RBMS1: variants seen among roughly 807,000 people sequenced by gnomAD.
RBMS1 encodes RNA-binding motif, single-stranded-interacting protein 1.
In RBMS1, 17 loss-of-function variants were observed where a neutral mutation model predicts 62.3. That is an observed-to-expected ratio of 0.27 (90% CI 0.19 to 0.41). The LOEUF is 0.41. Among genes scored for constraint, RBMS1 ranks in the 10% least tolerant of loss-of-function variants. The pLI is 1.00. For synonymous variants in RBMS1, 172 were observed against 170.0 expected, an observed-to-expected ratio of 1.01 and a Z score of -0.09; for missense variants, 334 against 504.5, an observed-to-expected ratio of 0.66 and a Z score of 3.24.
intron 2 of RBMS1, among the ~76,000 whole-genome samples, chr2:160,334,615 A>G (rs2105987405): frequency 6.6e-6 from 1 of 152,284 alleles, no homozygotes; most frequent in South Asian, 2.1e-4. Context: ...TCCAGTGACT[A>G]TGTGTGTTAA....
intron 2 of RBMS1, among the ~76,000 whole-genome samples, chr2:160,340,877 C>T (rs912944823): frequency 6.6e-6 from 1 of 152,116 alleles, no homozygotes; most frequent in Non-Finnish European, 1.5e-5. Context: ...ATGATCAATA[C>T]CTTTAAGCCA....
chr2:160,429,475 C>T (rs1255894612), intron 1 of RBMS1, among the ~76,000 whole-genome samples: 1 of 152,106 alleles, frequency 6.6e-6, no homozygotes, highest in African/African-American at 2.4e-5. Flanking sequence ...TCAGTAAACA[C>T]GTAAAGTGCA....
chr2:160,350,816 G>C (rs1344899208), intron 2 of RBMS1, among the ~76,000 whole-genome samples: 2 of 152,106 alleles, frequency 1.3e-5, no homozygotes, highest in South Asian at 2.1e-4. Context: ...ATAAACAAAC[G>C]TGTGCATGTG....
intron 2 of RBMS1, among the ~76,000 whole-genome samples, chr2:160,340,368 T>C (rs1020120805): frequency 3.9e-5 from 6 of 152,236 alleles, no homozygotes; most frequent in African/African-American, 1.4e-4. Context: ...TGGAAGACTT[T>C]AGAAGGAAGA....
chr2:160,301,478 TAACA>T (rs1159709346), intron 5 of RBMS1, among the ~76,000 whole-genome samples: 3 of 152,228 alleles, frequency 2.0e-5, no homozygotes, highest in Non-Finnish European at 2.9e-5. Flanking sequence ...ATCTTAGTTT[TAACA>T]AACAGTGATA....
At chr2:160,417,878 C>T (rs1486173683) in intron 1 of RBMS1, among the ~76,000 whole-genome samples, 1 of 152,142 alleles carries the variant, frequency 6.6e-6, no homozygotes, top group Non-Finnish European at 1.5e-5. Context: ...CTCATATGCT[C>T]AGTTTTTCCA....
At chr2:160,408,936 T>C (rs941269405) in intron 1 of RBMS1, among the ~76,000 whole-genome samples, 1 of 152,218 alleles carries the variant, frequency 6.6e-6, no homozygotes, top group African/African-American at 2.4e-5. Context: ...TACAGAGTTC[T>C]TCCTTGGTTT....
At chr2:160,340,244 A>C (rs1299237363) in intron 2 of RBMS1, among the ~76,000 whole-genome samples, 1 of 152,074 alleles carries the variant, frequency 6.6e-6, no homozygotes, top group Admixed American at 6.5e-5. Context: ...TAAAATACCT[A>C]AAGTAGCCAG....
At chr2:160,383,846 C>A (rs1359721642) in intron 1 of RBMS1, among the ~76,000 whole-genome samples, 2 of 152,190 alleles carry the variant, frequency 1.3e-5, no homozygotes, top group Admixed American at 1.3e-4. Context: ...CTTGTCCAGT[C>A]TCATATCCAA....
intron 1 of RBMS1, among the ~76,000 whole-genome samples, chr2:160,458,566 G>A (rs367574030): frequency 6.6e-6 from 1 of 152,186 alleles, no homozygotes; most frequent in East Asian, 1.9e-4. Context: ...GGAGGCCAAG[G>A]CGGGTGGATC....
chr2:160,383,857 A>G (rs1694423589), intron 1 of RBMS1, among the ~76,000 whole-genome samples: 1 of 152,218 alleles, frequency 6.6e-6, no homozygotes, highest in South Asian at 2.1e-4. Flanking sequence ...TCATATCCAA[A>G]GTAGGAATTT....
intron 1 of RBMS1, among the ~76,000 whole-genome samples, chr2:160,457,379 C>T (rs1434708173): frequency 6.6e-6 from 1 of 152,176 alleles, no homozygotes; most frequent in Admixed American, 6.5e-5. Context: ...ATCTGCCTGC[C>T]TCAGCCTCCC....
intron 6 of RBMS1, among the ~76,000 whole-genome samples, chr2:160,297,412 G>A (rs1255386252): frequency 6.6e-6 from 1 of 152,180 alleles, no homozygotes; most frequent in Non-Finnish European, 1.5e-5. Flanking sequence ...CATGGTATTG[G>A]CCTGGTGTTA....
chr2:160,489,645 A>T (rs1001781287), intron 1 of RBMS1, among the ~76,000 whole-genome samples: 1 of 152,156 alleles, frequency 6.6e-6, no homozygotes, highest in African/African-American at 2.4e-5. Context: ...CTAGGTTCAG[A>T]TATATTCTGT....
At chr2:160,431,403 C>T (rs372403861) in intron 1 of RBMS1, among the ~76,000 whole-genome samples, 16 of 151,780 alleles carry the variant, frequency 1.1e-4, no homozygotes, top group African/African-American at 2.9e-4. Context: ...GCTACTTCCT[C>T]GTTTCCCACA....
chr2:160,444,463 T>C (rs62179061), intron 1 of RBMS1, among the ~76,000 whole-genome samples: 4,018 of 152,366 alleles, frequency 0.026, 75 homozygotes, highest in Middle Eastern at 0.061. Flanking sequence ...CTGTGTACTT[T>C]GCGTGTCTTA....
chr2:160,409,764 A>G (rs1399661821), intron 1 of RBMS1, among the ~76,000 whole-genome samples: 1 of 152,222 alleles, frequency 6.6e-6, no homozygotes, highest in Non-Finnish European at 1.5e-5. Context: ...CTCTAAGGTC[A>G]TGATATTTTG....
At chr2:160,375,168 C>T (rs999482774) in intron 1 of RBMS1, among the ~76,000 whole-genome samples, 1 of 152,114 alleles carries the variant, frequency 6.6e-6, no homozygotes, top group Non-Finnish European at 1.5e-5. Context: ...AGACAGAGCC[C>T]AGTCAGGACC....
chr2:160,274,733 C>T lies in RBMS1; in HGVS notation c.*39G>A, dbSNP rs1316400824. ...ATCCATGATTGTTCAGCCTTCACAC[C>T]CTTCTTCATGTAAGAACACCTTTCT... On this transcript the variant is annotated 3_prime_UTR_variant, in exon 14 of 14. Coordinates refer to ENST00000348849, the MANE Select transcript of RBMS1 (RefSeq NM_016836.4). 6.6e-6 allele frequency: 1 copy of T among 152,478 alleles called. No homozygotes were observed. The highest frequency in any genetic ancestry group is 1.5e-5 in the Non-Finnish European group (1 of 68,012). The allele number at this position is 152,478 out of a possible 1,614,324, so 9.4% of individuals were successfully genotyped here.
Sources: gnomAD v4.1 joint callset for allele counts (sites outside exome capture counted in the v4.1 genomes callset) on GRCh38, gnomAD v4.1.1 for gene constraint, MANE v1.5 for transcripts, NCBI Gene and HGNC (gene_info 2026-07-23, HGNC 2026-07-21) for gene names.